The following HTR4 variants were observed in gnomAD, a reference collection of about 807,000 sequenced individuals.
HTR4 encodes the protein 5-hydroxytryptamine receptor 4.
HTR4 carries 16 observed loss-of-function variants against 36.8 expected under a neutral mutation model. That is an observed-to-expected ratio of 0.43 (90% CI 0.29 to 0.66). The LOEUF is 0.66. Ranked by LOEUF, HTR4 falls within the 30% of genes least tolerant of loss-of-function variation. The probability of loss-of-function intolerance (pLI) is 0.13; values close to 1 mark genes in which losing one functional copy is unlikely to be tolerated. For synonymous variants in HTR4, 189 were observed against 185.1 expected (o/e 1.02, Z -0.17); for missense variants, 438 against 490.9 (o/e 0.89, Z 1.02).
Position 148,582,020 on chromosome 5 carries a change from A to C in HTR4, c.27-31758T>G, listed in dbSNP as rs114094445. Among the ~76,000 whole-genome samples, 599 of 152,192 alleles carry C rather than the reference A, an allele frequency of 3.9e-3. 1 individual carries two copies. The highest frequency in any genetic ancestry group is 0.014 in the African/African-American group (578 of 41,538). On this transcript the variant is annotated intron_variant, in intron 2 of 6. Transcript: ENST00000377888. ...TCTTTCATCAGTATTTTATAATTTTAAGCATTCAAATGAGTCTTTCACCTC... is the reference window on the plus strand; with the variant it reads ...TCTTTCATCAGTATTTTATAATTTTCAGCATTCAAATGAGTCTTTCACCTC...
intron 5 of HTR4, among the ~76,000 whole-genome samples, chr5:148,460,516 C>T (rs1466051294): frequency 1.3e-5 from 2 of 151,980 alleles, no homozygotes; most frequent in African/African-American, 4.8e-5. Flanking sequence ...AAAAAAATGG[C>T]AACCTGGAAT....
chr5:148,485,357 C>T (rs1399819618), intron 6 of HTR4, among the ~76,000 whole-genome samples: 1 of 152,206 alleles, frequency 6.6e-6, no homozygotes, highest in Non-Finnish European at 1.5e-5. Context: ...TTGACACCAG[C>T]ACCTGTGCTA....
At chr5:148,454,035 T>C (rs1755038434) in intron 5 of HTR4, among the ~76,000 whole-genome samples, 1 of 152,228 alleles carries the variant, frequency 6.6e-6, no homozygotes, top group African/African-American at 2.4e-5. Context: ...CTGTCATGTG[T>C]GGTTATTTCC....
At chr5:148,481,465 A>G, downstream of HTR4, 1 of 1,040,246 alleles carries the variant, frequency 9.6e-7, no homozygotes, top group South Asian at 1.5e-5. Flanking sequence ...TTTCTCTTTC[A>G]GAGGCTATTT....
At chr5:148,648,407 C>G (rs1422171913) in intron 1 of HTR4, among the ~76,000 whole-genome samples, 1 of 152,054 alleles carries the variant, frequency 6.6e-6, no homozygotes, top group Non-Finnish European at 1.5e-5. Flanking sequence ...CAAAGAGGAG[C>G]CAGGATGTGC....
intron 4 of HTR4, among the ~76,000 whole-genome samples, chr5:148,542,995 G>A (rs1274258679): frequency 6.6e-6 from 1 of 152,188 alleles, no homozygotes; most frequent in Non-Finnish European, 1.5e-5. Flanking sequence ...TAACCAGGAT[G>A]TGTCATCTCC....
intron 2 of HTR4, among the ~76,000 whole-genome samples, chr5:148,612,003 T>C (rs1170354791): frequency 6.6e-6 from 1 of 152,114 alleles, no homozygotes; most frequent in Non-Finnish European, 1.5e-5. Context: ...ATGCACCCAA[T>C]ACAGGAGCAC....
intron 2 of HTR4, among the ~76,000 whole-genome samples, chr5:148,572,303 A>G (rs1760708881): frequency 1.3e-5 from 2 of 152,106 alleles, no homozygotes; most frequent in African/African-American, 4.8e-5. Flanking sequence ...ACAACAGCCT[A>G]TGGTTATAGA....
At chr5:148,586,465 C>T (rs1323313265) in intron 2 of HTR4, among the ~76,000 whole-genome samples, 1 of 151,912 alleles carries the variant, frequency 6.6e-6, no homozygotes, top group Non-Finnish European at 1.5e-5. Flanking sequence ...CATTTTCACA[C>T]AAGGCACTTC....
intron 1 of HTR4, among the ~76,000 whole-genome samples, chr5:148,643,193 A>G (rs1753780321): frequency 6.6e-6 from 1 of 152,186 alleles, no homozygotes; most frequent in African/African-American, 2.4e-5. Context: ...TTAAAAGTAA[A>G]TACACTTTTC....
intron 1 of HTR4, among the ~76,000 whole-genome samples, chr5:148,651,074 G>A (rs552196173): frequency 1.1e-4 from 17 of 152,244 alleles, no homozygotes; most frequent in Admixed American, 7.2e-4. Context: ...TTGAGTTACC[G>A]CATTGCTAAA....
At chr5:148,637,083 G>A (rs1483759581) in intron 1 of HTR4, 22 bp from the exon 2 acceptor site, 3 of 1,520,276 alleles carry the variant, frequency 2.0e-6, no homozygotes, top group East Asian at 4.5e-5. Context: ...GAAGTAAAAA[G>A]ATGTTATAAA....
At chr5:148,600,285 C>CAT (rs1761937147) in intron 2 of HTR4, among the ~76,000 whole-genome samples, 1 of 146,910 alleles carries the variant, frequency 6.8e-6, no homozygotes, top group South Asian at 2.1e-4. Flanking sequence ...AACATATATA[C>CAT]ATATATAAAC....
At chr5:148,535,482 A>T (rs918096274) in intron 4 of HTR4, among the ~76,000 whole-genome samples, 4 of 152,194 alleles carry the variant, frequency 2.6e-5, no homozygotes, top group African/African-American at 7.2e-5. Context: ...GGAAACCAAG[A>T]CACACAATAA....
intron 2 of HTR4, among the ~76,000 whole-genome samples, chr5:148,564,794 C>T (rs755438996): frequency 6.6e-5 from 10 of 152,072 alleles, no homozygotes; most frequent in Non-Finnish European, 1.2e-4. Flanking sequence ...TAGTCATGTC[C>T]TGGGCACCGA....
intron 4 of HTR4, among the ~76,000 whole-genome samples, chr5:148,545,679 G>A (rs188477014): frequency 1.3e-5 from 2 of 152,302 alleles, no homozygotes; most frequent in East Asian, 1.9e-4. Flanking sequence ...TCAGGTGGCT[G>A]AGCAGAGAGC....
intron 1 of HTR4, among the ~76,000 whole-genome samples, chr5:148,640,288 C>CT (rs1291250287): frequency 6.6e-6 from 1 of 152,248 alleles, no homozygotes; most frequent in African/African-American, 2.4e-5. Flanking sequence ...ATTTTCCTTA[C>CT]TGGAACCACC....
chr5:148,570,331 C>G (rs1760623413), intron 2 of HTR4, among the ~76,000 whole-genome samples: 2 of 152,072 alleles, frequency 1.3e-5, no homozygotes. Flanking sequence ...TCAGGGAGCT[C>G]AGAGGCTACT....
At chr5:148,610,478 A>G (rs1159585534) in intron 2 of HTR4, among the ~76,000 whole-genome samples, 3 of 152,166 alleles carry the variant, frequency 2.0e-5, no homozygotes, top group Non-Finnish European at 4.4e-5. Context: ...TGTCTGCTAC[A>G]AGGAAAACTA....
Sources: gnomAD v4.1 joint callset for allele counts (sites outside exome capture counted in the v4.1 genomes callset) on GRCh38, gnomAD v4.1.1 for gene constraint, MANE v1.5 for transcripts, NCBI Gene and HGNC (gene_info 2026-07-23, HGNC 2026-07-21) for gene names.